The following TIPIN variants were observed in gnomAD, a reference collection of about 807,000 sequenced individuals.
TIPIN encodes the protein TIMELESS interacting protein, also known as TIMELESS-interacting protein.
TIPIN carries 29 observed loss-of-function variants against 35.6 expected under a neutral mutation model. The observed-to-expected ratio is 0.82, with a 90% CI of 0.61 to 1.11. The LOEUF is 1.11. Ranked by LOEUF, TIPIN falls within the 50% of genes most tolerant of loss-of-function variation. TIPIN has a pLI of 0.00. For synonymous variants in TIPIN, 102 were observed against 121.5 expected, an observed-to-expected ratio of 0.84 and a Z score of 1.06; for missense variants, 296 against 345.4, an observed-to-expected ratio of 0.86 and a Z score of 1.13.
At chr15:66,382,453 C>T (rs1272726218) in intron 1 of TIPIN, 1 of 882,580 alleles carries the variant, frequency 1.1e-6, no homozygotes, top group Non-Finnish European at 1.4e-6. Flanking sequence ...TCATGGCTCA[C>T]TGCAGCCTTG....
intron 1 of TIPIN, among the ~76,000 whole-genome samples, chr15:66,374,750 T>G (rs547264292): frequency 6.6e-6 from 1 of 152,254 alleles, no homozygotes; most frequent in East Asian, 1.9e-4. Flanking sequence ...CAGCTAATTT[T>G]TTTGTATTTT....
intron 7 of TIPIN, among the ~76,000 whole-genome samples, chr15:66,339,544 T>C (rs1439858654): frequency 6.6e-6 from 1 of 152,192 alleles, no homozygotes; most frequent in African/African-American, 2.4e-5. Context: ...TTTGGTTATA[T>C]AGTTTCCAAA....
intron 7 of TIPIN, among the ~76,000 whole-genome samples, chr15:66,339,233 T>C: frequency 6.6e-6 from 1 of 150,514 alleles, no homozygotes; most frequent in Non-Finnish European, 1.5e-5. Context: ...AATGTTAATA[T>C]ATTGGGTGAA....
intron 1 of TIPIN, among the ~76,000 whole-genome samples, chr15:66,375,528 T>TATA (rs1566986565): frequency 2.2e-5 from 3 of 139,056 alleles, no homozygotes; most frequent in South Asian, 2.3e-4. Flanking sequence ...TATATATATA[T>TATA]TTCAAAAGCC....
chr15:66,367,431 G>A (rs2093260670), intron 1 of TIPIN, among the ~76,000 whole-genome samples: 4 of 151,198 alleles, frequency 2.6e-5, no homozygotes, highest in Admixed American at 2.6e-4. Context: ...GTCTCGCTGT[G>A]TCACCCAGGC....
intron 1 of TIPIN, chr15:66,379,917 C>A (rs1412113910): frequency 6.2e-6 from 9 of 1,450,358 alleles, no homozygotes; most frequent in South Asian, 1.2e-5. Context: ...GGTCTTCACT[C>A]TCGCAGTACA....
At chr15:66,340,094 G>C (rs1230359860) in intron 7 of TIPIN, among the ~76,000 whole-genome samples, 1 of 150,022 alleles carries the variant, frequency 6.7e-6, no homozygotes, top group Non-Finnish European at 1.5e-5. Context: ...GGATGGTCTC[G>C]ATCTCCTGAC....
At chr15:66,350,137 A>T (rs1254704532) in intron 4 of TIPIN, among the ~76,000 whole-genome samples, 1 of 151,442 alleles carries the variant, frequency 6.6e-6, no homozygotes, top group African/African-American at 2.4e-5. Flanking sequence ...TAAATTTTGT[A>T]TTTTTTAGTA....
rs1484033481 is a variant in TIPIN, at chr15:66,352,841, T to A, written c.107A>T (p.Asp36Val). The A allele has an allele frequency of 1.2e-6, 2 of 1,613,076 alleles. No homozygotes were observed. Among genetic ancestry groups the A allele is most frequent in the Non-Finnish European group, 1.7e-6 (2 of 1,179,900 alleles). ...TTCATCAGGCTCAGTTCCTTCACCA[T>A]CTTGTCTCTCTGGAGAGGCTGGAGG... ...FPPPASPERQDGEGTEPDEES... is the reference protein window; with the variant it reads ...FPPPASPERQVGEGTEPDEES... Residue 36 changes from aspartate to valine, a missense_variant, in exon 2 of 8, where the codon GAT becomes GTT. Coordinates refer to ENST00000261881, the MANE Select transcript of TIPIN (RefSeq NM_017858.3).
intron 1 of TIPIN, among the ~76,000 whole-genome samples, chr15:66,371,718 C>T (rs967767237): frequency 7.9e-5 from 12 of 151,810 alleles, no homozygotes; most frequent in African/African-American, 2.2e-4. Flanking sequence ...GGGGTTTCAC[C>T]GTGTTGGCCA....
chr15:66,367,852 T>C (rs1383467659), intron 1 of TIPIN, among the ~76,000 whole-genome samples: 1 of 150,472 alleles, frequency 6.6e-6, no homozygotes, highest in Non-Finnish European at 1.5e-5. Flanking sequence ...TTTTTTTTTT[T>C]GATTCAAAGT....
intron 1 of TIPIN, among the ~76,000 whole-genome samples, chr15:66,383,276 T>C (rs1452613589): frequency 2.0e-5 from 3 of 152,078 alleles, no homozygotes; most frequent in Non-Finnish European, 4.4e-5. Flanking sequence ...ATTTTTTTTT[T>C]TTTTTTGAGA....
intron 1 of TIPIN, among the ~76,000 whole-genome samples, chr15:66,368,964 T>C (rs1033973569): frequency 5.3e-5 from 8 of 152,302 alleles, no homozygotes; most frequent in African/African-American, 1.9e-4. Context: ...AGGACATCAC[T>C]GAACTCTCTG....
rs771755903 is a variant in TIPIN at position 66,349,111 on chromosome 15, G to A, written c.424C>T (p.Arg142Ter). The change falls in exon 6 of 8, where the codon CGA (arginine) becomes TGA (stop). Residue 142 changes from arginine to a stop codon, truncating the protein, a stop_gained. Transcript: ENST00000261881. LOFTEE classifies it high-confidence loss of function. ...SKKEVQTCLK[R>*]IRLDLPILHE... is the part of the protein sequence containing the mutation. ...AAAATAGGGAGATCAAGTCGAATTC[G>A]TTTTAAACAGGTCTGAAAATGAAAA... is the stretch of plus-strand genomic sequence containing the variant. The A allele has an allele frequency of 2.0e-5, 32 of 1,610,332 alleles. No individual in the cohort carries two copies. Among genetic ancestry groups the A allele is most frequent in the African/African-American group, 2.7e-5 (2 of 74,800 alleles).
Position 66,349,427 on chromosome 15 carries a change from A to G in TIPIN, c.299T>C (p.Leu100Ser). 20 of 1,612,122 alleles carry G rather than the reference A, an allele frequency of 1.2e-5. No individual in the cohort carries two copies. Among genetic ancestry groups the G allele is most frequent in the Non-Finnish European group, 1.6e-5 (19 of 1,179,648 alleles). Residue 100 changes from leucine to serine, a missense_variant, in exon 5 of 8, where the codon TTG becomes TCG. Coordinates refer to ENST00000261881, the MANE Select transcript of TIPIN (RefSeq NM_017858.3). ...CTCCATGTGTCTGATTAGCATCTTCAAGTCTTCAGCCTGCCACATAAAAAT... is the reference window on the plus strand; with the variant it reads ...CTCCATGTGTCTGATTAGCATCTTCGAGTCTTCAGCCTGCCACATAAAAAT... The part of the protein sequence containing the change: ...FKGKGHEAED[L>S]KMLIRHMEHW...
At chr15:66,372,052 C>T (rs1405533816) in intron 1 of TIPIN, among the ~76,000 whole-genome samples, 1 of 152,176 alleles carries the variant, frequency 6.6e-6, no homozygotes, top group Non-Finnish European at 1.5e-5. Context: ...ACCTTTGCCT[C>T]CCAAAGTGTT....
chr15:66,350,938 TA>T (rs35214451), intron 4 of TIPIN, among the ~76,000 whole-genome samples: 6,503 of 82,352 alleles, frequency 0.079, 161 homozygotes, highest in Middle Eastern at 0.14. Context: ...GACTCCGTCT[TA>T]AAAAAAAAAA....
chr15:66,351,641 C>CCT, intron 3 of TIPIN, 41 bp from the exon 4 acceptor site: 1 of 1,092,066 alleles, frequency 9.2e-7, no homozygotes. Flanking sequence ...GTTTTATTTT[C>CCT]TTTTTTTTTT....
chr15:66,381,048 T>G (rs1403327666), intron 1 of TIPIN, among the ~76,000 whole-genome samples: 1 of 152,232 alleles, frequency 6.6e-6, no homozygotes, highest in Non-Finnish European at 1.5e-5. Flanking sequence ...GCTTTCATAA[T>G]TTCTTTACAA....
Sources: allele counts gnomAD v4.1 joint callset (sites outside exome capture counted in the v4.1 genomes callset), GRCh38; gene constraint gnomAD v4.1.1; transcripts MANE v1.5; gene names NCBI Gene and HGNC (gene_info 2026-07-23, HGNC 2026-07-21).